LRSAM1: variants seen among roughly 807,000 people sequenced by gnomAD.
LRSAM1 encodes leucine rich repeat and sterile alpha motif containing 1.
LRSAM1 carries 96 observed loss-of-function variants against 118.1 expected under a neutral mutation model. The observed-to-expected ratio is 0.81, with a 90% CI of 0.69 to 0.96. The LOEUF (loss-of-function observed/expected upper bound fraction) is 0.96, where lower values mean the gene tolerates loss of function less well. Among genes scored for constraint, LRSAM1 ranks in the 40% least tolerant of loss-of-function variants. The pLI is 0.00. For synonymous variants in LRSAM1, 322 were observed against 364.2 expected (o/e 0.88, Z 1.32); for missense variants, 804 against 915.5 (o/e 0.88, Z 1.57).
At chr9:127,466,165 C>T (rs2254041) in intron 9 of LRSAM1, among the ~76,000 whole-genome samples, 91,905 of 151,402 alleles carry the variant, frequency 0.61, 28,236 homozygotes, top group African/African-American at 0.64. Flanking sequence ...AAAAATTAGC[C>T]GGGTGTGGTG....
At position 127,481,247 on chromosome 9, in the gene LRSAM1, A is replaced by T. The variant is rs1280003836; in HGVS notation, c.1088+20A>T. 1 of 1,593,068 alleles carries T rather than the reference A, an allele frequency of 6.3e-7. No individual in the cohort carries two copies. Among genetic ancestry groups the T allele is most frequent in the Non-Finnish European group, 8.6e-7 (1 of 1,167,630 alleles). ...TGAAAGGTAAGTGTTCTTCCAGGGGAGGGCAGCATTTTTTTTTTTTTTTTG... is the reference window on the plus strand; with the variant it reads ...TGAAAGGTAAGTGTTCTTCCAGGGGTGGGCAGCATTTTTTTTTTTTTTTTG... On this transcript the variant is annotated intron_variant, in intron 15 of 25. Coordinates refer to ENST00000300417, the MANE Select transcript of LRSAM1 (RefSeq NM_001005373.4).
chr9:127,469,485 AAAG>A (rs1835083668), intron 10 of LRSAM1, among the ~76,000 whole-genome samples: 1 of 152,020 alleles, frequency 6.6e-6, no homozygotes, highest in South Asian at 2.1e-4. Flanking sequence ...GAAAAAAAAA[AAAG>A]AGATGATATA....
chr9:127,479,569 G>A (rs1443992779), intron 13 of LRSAM1, 64 bp downstream of exon 13: 28 of 1,605,236 alleles, frequency 1.7e-5, no homozygotes, highest in African/African-American at 4.0e-5. Flanking sequence ...CTCCTGGCTT[G>A]GGCCAAGGTC....
rs555440182 is a variant in LRSAM1 at position 127,480,388 on chromosome 9, G to A, written c.1043+410G>A. ...CCTTAACAAACCCTGTGCAAGGTACGAGCTAGTAAGAGCAGATCTTGATGG... is the reference window on the plus strand; with the variant it reads ...CCTTAACAAACCCTGTGCAAGGTACAAGCTAGTAAGAGCAGATCTTGATGG... On this transcript the variant is annotated intron_variant, in intron 14 of 25. Coordinates refer to ENST00000300417, the MANE Select transcript of LRSAM1 (RefSeq NM_001005373.4). Among the ~76,000 whole-genome samples, 22 of 152,276 alleles carry A rather than the reference G, an allele frequency of 1.4e-4. No individual in the cohort carries two copies. In the South Asian group the frequency reaches 4.1e-3, roughly 29 times the overall value.
chr9:127,455,462 G>A (rs562408597), intron 4 of LRSAM1, 114 bp from the exon 5 acceptor site: 31 of 1,056,106 alleles, frequency 2.9e-5, no homozygotes, highest in Non-Finnish European at 4.4e-5. Flanking sequence ...ACCTGCTGTG[G>A]CGTTTTGCCC....
At chr9:127,501,368 A>G (rs1588143436) in intron 25 of LRSAM1, among the ~76,000 whole-genome samples, 2 of 151,964 alleles carry the variant, frequency 1.3e-5, no homozygotes, top group Middle Eastern at 6.9e-3. Flanking sequence ...CTACTTAATA[A>G]ATACATTAGG....
intron 15 of LRSAM1, among the ~76,000 whole-genome samples, chr9:127,482,432 C>T (rs920352977): frequency 3.9e-5 from 6 of 152,052 alleles, no homozygotes; most frequent in Admixed American, 2.0e-4. Flanking sequence ...TGTGAGCCAC[C>T]GCACCCGGCC....
At chr9:127,475,238 G>GA (rs1246234305) in intron 11 of LRSAM1, among the ~76,000 whole-genome samples, 1 of 151,962 alleles carries the variant, frequency 6.6e-6, no homozygotes, top group East Asian at 1.9e-4. Context: ...CATCGCAATA[G>GA]AAAAAATATT....
chr9:127,497,389 T>G (rs1836194012), intron 24 of LRSAM1, 55 bp downstream of exon 24: 5 of 1,527,062 alleles, frequency 3.3e-6, no homozygotes, highest in Non-Finnish European at 4.5e-6. Flanking sequence ...ATGTGTGGGC[T>G]CTGGTGGGGA....
intron 21 of LRSAM1, among the ~76,000 whole-genome samples, chr9:127,494,362 G>T (rs1394293792): frequency 6.6e-6 from 1 of 152,234 alleles, no homozygotes; most frequent in Admixed American, 6.5e-5. Context: ...TCTGAGCACG[G>T]GCTCTGGAGC....
At chr9:127,494,072 TAGC>T (rs1356975312) in intron 21 of LRSAM1, among the ~76,000 whole-genome samples, 3 of 152,346 alleles carry the variant, frequency 2.0e-5, no homozygotes, top group East Asian at 1.9e-4. Context: ...CGCTGTGCCT[TAGC>T]AGCCAGGTAC....
At chr9:127,467,685 G>C in intron 9 of LRSAM1, 55 bp from the exon 10 acceptor site, 1 of 1,489,912 alleles carries the variant, frequency 6.7e-7, no homozygotes, top group South Asian at 1.2e-5. Context: ...GAAATCGTGT[G>C]GTCTCCGGTT....
At chr9:127,502,423 G>A (rs954794398) in intron 25 of LRSAM1, among the ~76,000 whole-genome samples, 3 of 152,130 alleles carry the variant, frequency 2.0e-5, no homozygotes, top group South Asian at 2.1e-4. Context: ...GGTGGCTCAC[G>A]CCTGTAATCC....
intron 21 of LRSAM1, among the ~76,000 whole-genome samples, chr9:127,493,835 G>C (rs968933295): frequency 6.6e-6 from 1 of 152,164 alleles, no homozygotes; most frequent in Non-Finnish European, 1.5e-5. Flanking sequence ...TCACCATCTG[G>C]GGTGGAAAAG....
At chr9:127,498,051 G>T (rs1836225105) in intron 24 of LRSAM1, among the ~76,000 whole-genome samples, 1 of 152,230 alleles carries the variant, frequency 6.6e-6, no homozygotes, top group South Asian at 2.1e-4. Context: ...CAGAGCAGGG[G>T]TGAAGGAGAG....
chr9:127,470,181 C>T lies in LRSAM1; in HGVS notation c.619+2351C>T, dbSNP rs561759350. ...TGCCTGTATTAGTCTGTTCTCACAC[C>T]GCTATGAAGAAATTCCCAATTTCTA... is the stretch of plus-strand genomic sequence containing the variant. On this transcript the variant is annotated intron_variant, in intron 10 of 25. Coordinates refer to ENST00000300417, the MANE Select transcript of LRSAM1 (RefSeq NM_001005373.4). 2.6e-4 allele frequency among the ~76,000 whole-genome samples: 40 copies of T among 152,062 alleles called. 3 individuals carry two copies. Among genetic ancestry groups the T allele is most frequent in the Admixed American group, 8.5e-4 (13 of 15,234 alleles).
intron 16 of LRSAM1, among the ~76,000 whole-genome samples, chr9:127,485,496 C>T (rs894358691): frequency 2.6e-5 from 4 of 152,138 alleles, no homozygotes; most frequent in African/African-American, 9.7e-5. Flanking sequence ...GCAGAGCTTG[C>T]AGTGAGCTGA....
At chr9:127,488,643 G>A (rs1321742021) in intron 18 of LRSAM1, among the ~76,000 whole-genome samples, 1 of 149,654 alleles carries the variant, frequency 6.7e-6, no homozygotes, top group African/African-American at 2.5e-5. Flanking sequence ...TGCCCAGGAT[G>A]AGTGAAGTGA....
In LRSAM1 at chr9:127,503,344, G is replaced by C. The variant is rs889001454; in HGVS notation, c.*445G>C. The C allele has an allele frequency of 9.0e-6, 2 of 222,660 alleles. No individual in the cohort carries two copies. The highest frequency in any genetic ancestry group is 1.8e-5 in the Non-Finnish European group (2 of 110,082). The allele number at this position is 222,660 out of a possible 1,614,324, so 13.8% of individuals were successfully genotyped here. On this transcript the variant is annotated 3_prime_UTR_variant, in exon 26 of 26. Coordinates refer to ENST00000300417, the MANE Select transcript of LRSAM1 (RefSeq NM_001005373.4). ...GGAGGCCTTCCTGGGAAGGCGTGTGGTGCAGGCCTGTGCTCACAGTGGCAC... is the reference window on the plus strand; with the variant it reads ...GGAGGCCTTCCTGGGAAGGCGTGTGCTGCAGGCCTGTGCTCACAGTGGCAC...
Sources: allele counts gnomAD v4.1 joint callset (sites outside exome capture counted in the v4.1 genomes callset), GRCh38; gene constraint gnomAD v4.1.1; transcripts MANE v1.5; gene names NCBI Gene and HGNC (gene_info 2026-07-23, HGNC 2026-07-21).